Variants in FAM13C observed in about 807,000 individuals in gnomAD.
FAM13C encodes family with sequence similarity 13 member C.
FAM13C carries 37 observed loss-of-function variants against 73.2 expected under a neutral mutation model. The ratio of observed to expected loss-of-function variants is 0.51; its 90% CI spans 0.39 to 0.67. The LOEUF is 0.67. FAM13C is among the 30% of genes least tolerant of loss of function. The pLI is 0.00. For missense variants in FAM13C, 589 were observed against 715.6 expected, an observed-to-expected ratio of 0.82 and a Z score of 2.02; for synonymous variants, 246 against 260.9, an observed-to-expected ratio of 0.94 and a Z score of 0.55.
chr10:59,250,161 A>C (rs1239960209), intron 13 of FAM13C, among the ~76,000 whole-genome samples: 1 of 152,194 alleles, frequency 6.6e-6, no homozygotes, highest in Non-Finnish European at 1.5e-5. Context: ...AATACCTTTA[A>C]TCCAAAAGAG....
At chr10:59,314,101 G>C (rs1255239293) in intron 4 of FAM13C, among the ~76,000 whole-genome samples, 2 of 152,094 alleles carry the variant, frequency 1.3e-5, no homozygotes, top group African/African-American at 4.8e-5. Flanking sequence ...AAAGGAGAAG[G>C]TGCATGAAAA....
intron 3 of FAM13C, among the ~76,000 whole-genome samples, chr10:59,338,248 T>C (rs555455846): frequency 2.0e-5 from 3 of 152,298 alleles, no homozygotes; most frequent in African/African-American, 7.2e-5. Context: ...TGCCAGTGCA[T>C]GCTAAGGACT....
chr10:59,252,678 C>T, intron 12 of FAM13C, 121 bp downstream of exon 12: 1 of 867,762 alleles, frequency 1.2e-6, no homozygotes, highest in Non-Finnish European at 1.8e-6. Context: ...GGATAAAGGC[C>T]CTGAGAACTG....
At chr10:59,312,386 T>C (rs949619948) in intron 4 of FAM13C, among the ~76,000 whole-genome samples, 5 of 152,206 alleles carry the variant, frequency 3.3e-5, no homozygotes, top group African/African-American at 1.2e-4. Context: ...CATGAGTCTC[T>C]ATCCTTCACC....
At chr10:59,347,048 T>G (rs1854387198) in intron 3 of FAM13C, among the ~76,000 whole-genome samples, 1 of 152,122 alleles carries the variant, frequency 6.6e-6, no homozygotes, top group Non-Finnish European at 1.5e-5. Flanking sequence ...TAAATGGTCC[T>G]TATTTAAGGC....
At chr10:59,335,017 G>T (rs984260902) in intron 3 of FAM13C, among the ~76,000 whole-genome samples, 5 of 152,162 alleles carry the variant, frequency 3.3e-5, no homozygotes, top group African/African-American at 1.2e-4. Flanking sequence ...CAAAATATTA[G>T]CTCCTCTTAA....
rs73300134 is a variant in FAM13C, at chr10:59,293,661, C to A, written c.507+9140G>T. On this transcript the variant is annotated intron_variant, in intron 5 of 13. Coordinates refer to ENST00000618804, the MANE Select transcript of FAM13C (RefSeq NM_198215.4). ...CTCTCTATAAACTTGAGTTTTATAA[C>A]CTTCAGAAGGCCAAAAATGTCCTAA... Among the ~76,000 whole-genome samples, 878 of 152,126 alleles carry A rather than the reference C, an allele frequency of 5.8e-3. 9 individuals carry two copies. The highest frequency in any genetic ancestry group is 0.02 in the African/African-American group (841 of 41,472).
intron 8 of FAM13C, among the ~76,000 whole-genome samples, chr10:59,265,680 T>C (rs1044768541): frequency 1.3e-5 from 2 of 152,070 alleles, no homozygotes; most frequent in Admixed American, 6.6e-5. Context: ...AAGAAATAAG[T>C]TTTTACTACG....
At chr10:59,328,008 A>G (rs139155196) in intron 3 of FAM13C, among the ~76,000 whole-genome samples, 152 of 152,316 alleles carry the variant, frequency 1.0e-3, no homozygotes, top group African/African-American at 3.1e-3. Context: ...CGTAGCCCAG[A>G]TGGGCACCTG....
chr10:59,262,414 A>C lies in FAM13C; in HGVS notation c.1236+20T>G, dbSNP rs199675574. ...TGTGGACTACAGGGGCCCTCTATAT[A>C]ACAAGACATGGTGATGTACCTTAGA... is the stretch of plus-strand genomic sequence containing the variant. On this transcript the variant is annotated intron_variant, in intron 10 of 13. Transcript: ENST00000618804. 6.2e-7 allele frequency: 1 copy of C among 1,610,554 alleles called. No homozygotes were observed. The highest frequency in any genetic ancestry group is 2.2e-5 in the East Asian group (1 of 44,858).
chr10:59,270,554 A>G (rs1843608150), intron 6 of FAM13C, among the ~76,000 whole-genome samples: 1 of 152,146 alleles, frequency 6.6e-6, no homozygotes, highest in Non-Finnish European at 1.5e-5. Flanking sequence ...AAAGAGAGAA[A>G]AGAAAAACAA....
chr10:59,273,636 G>A (rs543358006), intron 6 of FAM13C, among the ~76,000 whole-genome samples: 66 of 152,056 alleles, frequency 4.3e-4, no homozygotes, highest in Non-Finnish European at 2.4e-4. Flanking sequence ...GAAATGTTGC[G>A]TAACTAGGCT....
intron 4 of FAM13C, among the ~76,000 whole-genome samples, chr10:59,307,939 A>T (rs1197647042): frequency 6.6e-6 from 1 of 152,162 alleles, no homozygotes; most frequent in Non-Finnish European, 1.5e-5. Flanking sequence ...ATGATGGAGA[A>T]CTGGAACAGT....
chr10:59,298,454 G>A (rs561301392), intron 5 of FAM13C, among the ~76,000 whole-genome samples: 1 of 152,296 alleles, frequency 6.6e-6, no homozygotes, highest in East Asian at 1.9e-4. Context: ...GAGCACAGAG[G>A]CCGTGAACAG....
intron 2 of FAM13C, among the ~76,000 whole-genome samples, chr10:59,352,850 C>G (rs1423988108): frequency 6.6e-6 from 1 of 152,186 alleles, no homozygotes; most frequent in Non-Finnish European, 1.5e-5. Context: ...GATGAAGACT[C>G]TAAGAGATTA....
At chr10:59,358,759 G>C (rs1564633542) in intron 1 of FAM13C, among the ~76,000 whole-genome samples, 1 of 152,060 alleles carries the variant, frequency 6.6e-6, no homozygotes, top group East Asian at 1.9e-4. Context: ...TGGAAACTTG[G>C]CACCAAAACA....
chr10:59,282,945 G>GA, intron 6 of FAM13C: 1 of 183,406 alleles, frequency 5.5e-6, no homozygotes, highest in East Asian at 1.3e-4. Context: ...CAGTTAACAG[G>GA]AAAGGAAGTA....
chr10:59,360,922 G>A, intron 1 of FAM13C: 1 of 674,964 alleles, frequency 1.5e-6, no homozygotes, highest in African/African-American at 1.9e-5. Flanking sequence ...TTTTGAACCT[G>A]CCGTGCCTGT....
Position 59,293,069 on chromosome 10 carries a change from C to CTTTTTTTTTT in FAM13C, c.508-9632_508-9623dup, listed in dbSNP as rs148715812. ...TCTGAGATCAACATTTTTTCTTTTT[C>CTTTTTTTTTT]TTTTTTTTTTTTTTTTTTTTTTGAG... On this transcript the variant is annotated intron_variant, in intron 5 of 13. Coordinates refer to ENST00000618804, the MANE Select transcript of FAM13C (RefSeq NM_198215.4). Among the ~76,000 whole-genome samples the CTTTTTTTTTT allele has an allele frequency of 6.1e-4, 67 of 109,522 alleles. 1 individual carries two copies. The highest frequency in any genetic ancestry group is 8.0e-4 in the East Asian group (3 of 3,752). 71.9% of individuals were successfully genotyped at this position (109,522 alleles called of 152,430 possible). A position where few individuals can be genotyped will look rare whatever the true frequency, so the allele number is the denominator to read the frequency against.
Sources: allele counts gnomAD v4.1 joint callset (sites outside exome capture counted in the v4.1 genomes callset), GRCh38; gene constraint gnomAD v4.1.1; transcripts MANE v1.5; gene names NCBI Gene and HGNC (gene_info 2026-07-23, HGNC 2026-07-21).